The following UBE2E2 variants were observed in gnomAD, a reference collection of about 807,000 sequenced individuals.
The protein encoded by UBE2E2 is ubiquitin conjugating enzyme E2 E2.
A neutral mutation model predicts 24.7 loss-of-function variants in UBE2E2; 6 were observed. The observed-to-expected ratio is 0.24, with a 90% CI of 0.13 to 0.48. The LOEUF (loss-of-function observed/expected upper bound fraction) is 0.48, where lower values mean the gene tolerates loss of function less well. UBE2E2 is among the 20% of genes least tolerant of loss of function. The pLI is 0.99. For synonymous variants in UBE2E2, 104 were observed against 83.6 expected, an observed-to-expected ratio of 1.24 and a Z score of -1.33; for missense variants, 169 against 245.0, an observed-to-expected ratio of 0.69 and a Z score of 2.07.
intron 4 of UBE2E2, 48 bp downstream of exon 4, chr3:23,499,788 T>C (rs1196271904): frequency 6.3e-7 from 1 of 1,594,560 alleles, no homozygotes; most frequent in Admixed American, 1.7e-5. Flanking sequence ...ATTATATTTC[T>C]AGATACATAT....
chr3:23,313,195 C>T (rs979795905), intron 3 of UBE2E2, among the ~76,000 whole-genome samples: 8 of 151,930 alleles, frequency 5.3e-5, no homozygotes, highest in Non-Finnish European at 1.2e-4. Context: ...CTAATTGACC[C>T]TTTTATTGTT....
intron 3 of UBE2E2, among the ~76,000 whole-genome samples, chr3:23,481,675 A>G (rs1699262769): frequency 6.6e-6 from 1 of 152,210 alleles, no homozygotes. Flanking sequence ...TGAGAAGTGG[A>G]TAAATTAAAT....
Position 23,425,923 on chromosome 3 carries a change from T to C in UBE2E2, c.228-73685T>C, listed in dbSNP as rs1299408176. The stretch of plus-strand genomic sequence containing the variant: ...CAAGCAACAGAACCAGATTCAGATA[T>C]GGCAGGGCTCTTGAAATTATCATAT... On this transcript the variant is annotated intron_variant, in intron 3 of 5. Coordinates refer to ENST00000396703, the MANE Select transcript of UBE2E2 (RefSeq NM_152653.4). Among the ~76,000 whole-genome samples, 28 of 152,282 alleles carry C rather than the reference T, an allele frequency of 1.8e-4. No individual in the cohort carries two copies. In the East Asian group the frequency reaches 5.2e-3, roughly 28 times the overall value.
chr3:23,273,867 T>A (rs1293710670), intron 3 of UBE2E2: 1 of 152,460 alleles, frequency 6.6e-6, no homozygotes, highest in Non-Finnish European at 1.5e-5. Context: ...TACAGATTTC[T>A]TTGTTCCTTT....
chr3:23,204,769 T>C, intron 1 of UBE2E2: 1 of 983,710 alleles, frequency 1.0e-6, no homozygotes, highest in African/African-American at 1.7e-5. Flanking sequence ...TGGATATTGC[T>C]GTGTGCATAT....
At chr3:23,227,008 C>T (rs376881828) in intron 3 of UBE2E2, among the ~76,000 whole-genome samples, 1 of 148,492 alleles carries the variant, frequency 6.7e-6, no homozygotes, top group African/African-American at 2.5e-5. Flanking sequence ...AAATGGGAGA[C>T]GTTTTTGAAC....
intron 3 of UBE2E2, among the ~76,000 whole-genome samples, chr3:23,244,192 A>G (rs1166996958): frequency 6.6e-6 from 1 of 152,158 alleles, no homozygotes; most frequent in African/African-American, 2.4e-5. Flanking sequence ...TTAGGTTTAA[A>G]AAGAAACATA....
At chr3:23,384,060 A>C (rs1373159359) in intron 3 of UBE2E2, among the ~76,000 whole-genome samples, 1 of 152,112 alleles carries the variant, frequency 6.6e-6, no homozygotes, top group East Asian at 1.9e-4. Context: ...CAGTGATGCA[A>C]CCATAGCTCA....
chr3:23,355,547 A>AT (rs1359701915), intron 3 of UBE2E2, among the ~76,000 whole-genome samples: 6 of 152,090 alleles, frequency 3.9e-5, no homozygotes, highest in Admixed American at 1.3e-4. Context: ...GACACGGTTG[A>AT]TTTTTTTCCT....
chr3:23,306,727 A>G (rs968293298), intron 3 of UBE2E2, among the ~76,000 whole-genome samples: 8 of 152,146 alleles, frequency 5.3e-5, no homozygotes, highest in African/African-American at 1.9e-4. Flanking sequence ...CAAGTAAATA[A>G]ACCAGTTGAT....
chr3:23,568,736 TATA>T (rs1559424996), intron 5 of UBE2E2, among the ~76,000 whole-genome samples: 1 of 83,558 alleles, frequency 1.2e-5, no homozygotes, highest in African/African-American at 5.5e-5. Context: ...TATGTATACA[TATA>T]TATATATATA....
chr3:23,219,318 G>T (rs1271706817), intron 3 of UBE2E2, among the ~76,000 whole-genome samples: 1 of 152,280 alleles, frequency 6.6e-6, no homozygotes, highest in African/African-American at 2.4e-5. Flanking sequence ...ACTTATCAGT[G>T]TGCTTGTGTT....
rs192962067 is a variant in UBE2E2, at chr3:23,338,442, G to A, written c.227+121130G>A. 2.5e-3 allele frequency among the ~76,000 whole-genome samples: 386 copies of A among 152,262 alleles called. 3 individuals are homozygous for A. Among genetic ancestry groups the A allele is most frequent in the African/African-American group, 8.9e-3 (370 of 41,554 alleles). ...AAGAGAAGGTTGCATATATGTGTAT[G>A]TGTACATGTATGCCTTATATATTTC... On this transcript the variant is annotated intron_variant, in intron 3 of 5. Coordinates refer to ENST00000396703, the MANE Select transcript of UBE2E2 (RefSeq NM_152653.4).
chr3:23,486,812 T>C (rs778518), intron 3 of UBE2E2, among the ~76,000 whole-genome samples: 37,915 of 152,022 alleles, frequency 0.25, 5,142 homozygotes, highest in African/African-American at 0.37. Flanking sequence ...TGGTCCATGG[T>C]CGGGCCTGGA....
chr3:23,568,619 ACATATATATATGTATACATATATACG>A (rs1696139494), intron 5 of UBE2E2, among the ~76,000 whole-genome samples: 1 of 1,426 alleles, frequency 7.0e-4, no homozygotes, highest in South Asian at 0.062. Context: ...ATATACACAC[ACATATATATATGTATACATATATACG>A]CACATATATG....
At chr3:23,446,698 G>GTTTTTTT (rs1698436642) in intron 3 of UBE2E2, among the ~76,000 whole-genome samples, 1 of 75,440 alleles carries the variant, frequency 1.3e-5, no homozygotes. Flanking sequence ...CCGTCTGTTT[G>GTTTTTTT]GTTTTTTTTT....
chr3:23,401,397 A>G (rs1156374296), intron 3 of UBE2E2, among the ~76,000 whole-genome samples: 1 of 152,198 alleles, frequency 6.6e-6, no homozygotes, highest in Non-Finnish European at 1.5e-5. Context: ...TTTAATTCTC[A>G]CATTTGCTTA....
At chr3:23,248,731 C>G (rs1697489274) in intron 3 of UBE2E2, among the ~76,000 whole-genome samples, 1 of 152,126 alleles carries the variant, frequency 6.6e-6, no homozygotes, top group African/African-American at 2.4e-5. Flanking sequence ...TGGAAGAAGT[C>G]CTTTTAGTTC....
intron 3 of UBE2E2, among the ~76,000 whole-genome samples, chr3:23,217,714 A>AGTG (rs1696515360): frequency 6.6e-6 from 1 of 152,118 alleles, no homozygotes; most frequent in African/African-American, 2.4e-5. Flanking sequence ...AAATGCAGAC[A>AGTG]CATTAAACAG....
Sources: allele counts gnomAD v4.1 joint callset (sites outside exome capture counted in the v4.1 genomes callset), GRCh38; gene constraint gnomAD v4.1.1; transcripts MANE v1.5; gene names NCBI Gene and HGNC (gene_info 2026-07-23, HGNC 2026-07-21).